The following BCR variants were observed in gnomAD, a reference collection of about 807,000 sequenced individuals.
The protein encoded by BCR is BCR activator of RhoGEF and GTPase, also known as breakpoint cluster region protein.
BCR carries 58 observed loss-of-function variants against 138.6 expected under a neutral mutation model. The ratio of observed to expected loss-of-function variants is 0.42; its 90% CI spans 0.34 to 0.52. The LOEUF (loss-of-function observed/expected upper bound fraction) is 0.52, where lower values mean the gene tolerates loss of function less well. Ranked by LOEUF, BCR falls within the 20% of genes least tolerant of loss-of-function variation. BCR has a pLI of 0.06. For missense variants in BCR, 1,599 were observed against 1,727.2 expected, an observed-to-expected ratio of 0.93 and a Z score of 1.32; for synonymous variants, 786 against 730.1, an observed-to-expected ratio of 1.08 and a Z score of -1.23.
intron 1 of BCR, among the ~76,000 whole-genome samples, chr22:23,201,828 G>A (rs943412243): frequency 6.6e-6 from 1 of 152,140 alleles, no homozygotes; most frequent in Non-Finnish European, 1.5e-5. Context: ...TCGGTTTCTG[G>A]GAGTCCGTGG....
intron 8 of BCR, 129 bp downstream of exon 8, chr22:23,273,903 T>A: frequency 7.6e-7 from 1 of 1,317,884 alleles, no homozygotes; most frequent in Non-Finnish European, 1.1e-6. Context: ...TTGGTGAGAT[T>A]GGCCGCACAC....
At chr22:23,239,342 G>T (rs148371243) in intron 1 of BCR, among the ~76,000 whole-genome samples, 131 of 152,334 alleles carry the variant, frequency 8.6e-4, no homozygotes, top group Non-Finnish European at 1.6e-3. Flanking sequence ...TCTAGCAGGA[G>T]AGTCTGGGGT....
chr22:23,221,195 G>A (rs2072820397), intron 1 of BCR, among the ~76,000 whole-genome samples: 1 of 152,202 alleles, frequency 6.6e-6, no homozygotes, highest in African/African-American at 2.4e-5. Context: ...ATTGGAGGAT[G>A]GCGATGCAGA....
intron 8 of BCR, chr22:23,283,461 T>C (rs748326322): frequency 2.6e-5 from 4 of 155,324 alleles, no homozygotes; most frequent in Non-Finnish European, 5.7e-5. Context: ...CTGCCACATC[T>C]GTACCTCGGG....
In BCR at chr22:23,284,056, C is replaced by G. The variant is rs769255536; in HGVS notation, c.2195C>G (p.Thr732Ser). ...ARKLRHVFLFTDLLLCTKLKK... is the reference protein window; with the variant it reads ...ARKLRHVFLFSDLLLCTKLKK... ...AAGCTGCGCCACGTCTTCCTGTTCA[C>G]CGACCTGCTTCTCTGCACCAAGCTC... Residue 732 changes from threonine to serine, a missense_variant, in exon 9 of 23, where the codon ACC becomes AGC. This residue lies in a region of BCR where 590 missense variants were observed against 762.4 expected (regional missense o/e 0.77). Coordinates refer to ENST00000305877, the MANE Select transcript of BCR (RefSeq NM_004327.4). 1 of 1,610,756 alleles carries G rather than the reference C, an allele frequency of 6.2e-7. No homozygotes were observed. The highest frequency in any genetic ancestry group is 1.1e-5 in the South Asian group (1 of 90,274).
chr22:23,289,733 T>G (rs2073762779), intron 13 of BCR, 112 bp downstream of exon 13: 1 of 925,236 alleles, frequency 1.1e-6, no homozygotes, highest in Non-Finnish European at 1.7e-6. Flanking sequence ...TGGACTTTGG[T>G]TCAGAAGGAA....
chr22:23,296,160 G>A (rs2073842625), intron 16 of BCR, among the ~76,000 whole-genome samples: 3 of 152,018 alleles, frequency 2.0e-5, no homozygotes, highest in Admixed American at 2.0e-4. Context: ...GGATCACGAG[G>A]TCAGGAGATC....
intron 1 of BCR, among the ~76,000 whole-genome samples, chr22:23,191,079 C>T (rs1482094203): frequency 2.0e-5 from 3 of 152,100 alleles, no homozygotes; most frequent in East Asian, 3.9e-4. Context: ...ACTACAGGCG[C>T]GTGCCACCAT....
In BCR at chr22:23,254,917, ACT is replaced by A. The variant is rs577447460; in HGVS notation, c.1461+939_1461+940del. Among the ~76,000 whole-genome samples the A allele has an allele frequency of 6.1e-3, 927 of 152,014 alleles. 8 individuals are homozygous for A. Among genetic ancestry groups the A allele is most frequent in the African/African-American group, 0.021 (884 of 41,448 alleles). On this transcript the variant is annotated intron_variant, in intron 2 of 22. Transcript: ENST00000305877. ...GTGGCTCACACCTATAATCCCAGCG[ACT>A]CAGGAGGCTGAGGTGGGAGAATTGC...
intron 1 of BCR, among the ~76,000 whole-genome samples, chr22:23,210,957 G>GC (rs1472489132): frequency 6.6e-6 from 1 of 152,096 alleles, no homozygotes; most frequent in Non-Finnish European, 1.5e-5. Context: ...CCATTCAGTG[G>GC]TGGTTAGTAT....
intron 22 of BCR, 89 bp from the exon 23 acceptor site, chr22:23,315,344 A>G: frequency 8.3e-7 from 1 of 1,210,312 alleles, no homozygotes; most frequent in South Asian, 1.2e-5. Flanking sequence ...CCTGAGATGG[A>G]CTTGGAGGCT....
chr22:23,219,043 A>G (rs1460212391), intron 1 of BCR, among the ~76,000 whole-genome samples: 1 of 152,158 alleles, frequency 6.6e-6, no homozygotes, highest in East Asian at 1.9e-4. Flanking sequence ...CATTCCTGCC[A>G]TGCCGCTGCC....
At chr22:23,182,407 C>T (rs1379446809) in intron 1 of BCR, among the ~76,000 whole-genome samples, 168 bp downstream of exon 1, 2 of 152,262 alleles carry the variant, frequency 1.3e-5, no homozygotes, top group East Asian at 3.8e-4. Flanking sequence ...TCCATCCCCT[C>T]CTCCTTCCTG....
rs149366459 is a variant in BCR, at chr22:23,284,015, G to T, written c.2154G>T (p.Leu718=). 158 of 1,603,442 alleles carry T rather than the reference G, an allele frequency of 9.9e-5. 1 individual carries two copies. The African/African-American group carries it at 1.7e-3, about 17-fold the overall frequency. Residue 718 remains leucine (L), a synonymous_variant, in exon 9 of 23, where the codon CTG becomes CTT. Transcript: ENST00000305877. ...QLLKDSFMVE[L]VEGARKLRHV... is the part of the protein sequence containing the mutation. ...TGAAGGACAGCTTCATGGTGGAGCT[G>T]GTGGAGGGGGCCCGCAAGCTGCGCC...
At chr22:23,185,720 TG>T (rs1194552626) in intron 1 of BCR, among the ~76,000 whole-genome samples, 6 of 138,774 alleles carry the variant, frequency 4.3e-5, no homozygotes, top group Admixed American at 1.5e-4. Flanking sequence ...TGGTTCTCTC[TG>T]TTTTTTTTGT....
At chr22:23,254,570 C>CG (rs764338675) in intron 2 of BCR, 3 of 455,058 alleles carry the variant, frequency 6.6e-6, no homozygotes, top group Middle Eastern at 3.3e-4. Flanking sequence ...TGGACCCACG[C>CG]CCCCCCTCAC....
intron 15 of BCR, among the ~76,000 whole-genome samples, chr22:23,293,363 T>C (rs888934149): frequency 4.6e-5 from 7 of 152,194 alleles, no homozygotes; most frequent in African/African-American, 1.7e-4. Flanking sequence ...CTGCTTGGTC[T>C]ACACGGGTCA....
At chr22:23,189,824 G>A (rs1287092432) in intron 1 of BCR, among the ~76,000 whole-genome samples, 5 of 152,124 alleles carry the variant, frequency 3.3e-5, no homozygotes, top group Non-Finnish European at 7.4e-5. Flanking sequence ...TTAAGACTGA[G>A]TTAACTCCCA....
intron 1 of BCR, among the ~76,000 whole-genome samples, chr22:23,227,083 A>G (rs1053162180): frequency 5.9e-5 from 9 of 152,216 alleles, no homozygotes; most frequent in Non-Finnish European, 1.2e-4. Context: ...TCAAAGCCAA[A>G]AACCATGCAA....
Sources: gnomAD v4.1 joint callset for allele counts (sites outside exome capture counted in the v4.1 genomes callset) on GRCh38, gnomAD v4.1.1 for gene constraint, gnomAD v4.1.1 regional missense constraint, MANE v1.5 for transcripts, NCBI Gene and HGNC (gene_info 2026-07-23, HGNC 2026-07-21) for gene names.